The following DISP1 variants were observed in gnomAD, a reference collection of about 807,000 sequenced individuals.
The protein encoded by DISP1 is protein dispatched homolog 1.
A neutral mutation model predicts 37.3 loss-of-function variants in DISP1; 30 were observed. The ratio of observed to expected loss-of-function variants is 0.80; its 90% CI spans 0.60 to 1.09. The LOEUF is 1.09. Ranked by LOEUF, DISP1 falls within the 50% of genes least tolerant of loss-of-function variation. DISP1 has a pLI of 0.00. For missense variants in DISP1, 1,598 were observed against 1,879.5 expected (o/e 0.85, Z 2.77); for synonymous variants, 634 against 690.2 (o/e 0.92, Z 1.28).
At chr1:222,852,596 A>C (rs2125312097) in intron 1 of DISP1, among the ~76,000 whole-genome samples, 1 of 152,344 alleles carries the variant, frequency 6.6e-6, no homozygotes, top group East Asian at 1.9e-4. Flanking sequence ...AAAGGAGATA[A>C]CCCAGTAAGT....
At chr1:222,902,366 G>A (rs1352910234) in intron 1 of DISP1, among the ~76,000 whole-genome samples, 1 of 152,114 alleles carries the variant, frequency 6.6e-6, no homozygotes, top group Non-Finnish European at 1.5e-5. Context: ...AGAAAACCTA[G>A]GTAATACCAT....
intron 2 of DISP1, among the ~76,000 whole-genome samples, chr1:222,932,429 C>T (rs1558336618): frequency 6.6e-6 from 1 of 151,892 alleles, no homozygotes; most frequent in Non-Finnish European, 1.5e-5. Flanking sequence ...TACCTTAAGA[C>T]TTGTAGCAGA....
intron 2 of DISP1, 24 bp downstream of exon 2, chr1:222,928,594 T>G (rs1673215290): frequency 6.6e-6 from 1 of 152,220 alleles, no homozygotes; most frequent in South Asian, 2.1e-4. Context: ...TCTTGCTGTG[T>G]GAATATGTGT....
At position 223,005,572 on chromosome 1, in the gene DISP1, C is replaced by G; in HGVS notation, c.4175C>G (p.Ser1392Trp). 1 of 1,614,008 alleles carries G rather than the reference C, an allele frequency of 6.2e-7. No individual in the cohort carries two copies. Among genetic ancestry groups the G allele is most frequent in the African/African-American group, 1.3e-5 (1 of 74,974 alleles). ...CATCTTCCAAAGATGGCAGAGCCAT[C>G]GTCATTTGTCTGCAGAAGCACTGGA... is the stretch of plus-strand genomic sequence containing the variant. ...EEHLPKMAEPSSFVCRSTGSL... is the reference protein window; with the variant it reads ...EEHLPKMAEPWSFVCRSTGSL... Residue 1392 changes from serine (S) to tryptophan (W), a missense_variant, in exon 9 of 9, where the codon TCG becomes TGG. By Grantham distance (177) the Ser-to-Trp change is radical. Transcript: ENST00000675850.
intron 5 of DISP1, 134 bp from the exon 6 acceptor site, chr1:222,991,386 A>G: frequency 9.8e-7 from 1 of 1,018,964 alleles, no homozygotes; most frequent in East Asian, 2.5e-5. Flanking sequence ...TCACCTCTGG[A>G]GTAGCTGTGA....
chr1:222,989,558 A>G, intron 4 of DISP1: 1 of 985,404 alleles, frequency 1.0e-6, no homozygotes, highest in Non-Finnish European at 1.2e-6. Context: ...CGCATCTGGA[A>G]GAAAGGGCCC....
At chr1:222,918,536 G>A (rs1046475549) in intron 1 of DISP1, among the ~76,000 whole-genome samples, 1 of 152,130 alleles carries the variant, frequency 6.6e-6, no homozygotes, top group Non-Finnish European at 1.5e-5. Context: ...TGAAAGGAGA[G>A]ATGAGGGAAT....
At chr1:222,916,858 G>A (rs1253278796) in intron 1 of DISP1, among the ~76,000 whole-genome samples, 1 of 152,150 alleles carries the variant, frequency 6.6e-6, no homozygotes, top group South Asian at 2.1e-4. Flanking sequence ...GGCTGAAAGA[G>A]TGAGGGTTGT....
chr1:222,869,750 CTG>C (rs1669414586), intron 1 of DISP1, among the ~76,000 whole-genome samples: 3 of 151,822 alleles, frequency 2.0e-5, no homozygotes, highest in African/African-American at 7.3e-5. Flanking sequence ...TTAAATGAGA[CTG>C]TTAAAGAATT....
chr1:222,863,249 G>A (rs1009675914), intron 1 of DISP1, among the ~76,000 whole-genome samples: 5 of 152,058 alleles, frequency 3.3e-5, no homozygotes, highest in African/African-American at 9.7e-5. Flanking sequence ...GGCTGAAGGC[G>A]GTGGCTCATA....
chr1:222,878,436 T>G (rs975243937), intron 1 of DISP1, among the ~76,000 whole-genome samples: 4 of 152,248 alleles, frequency 2.6e-5, no homozygotes, highest in Non-Finnish European at 5.9e-5. Context: ...TAATATTGGT[T>G]GTACATACTG....
Position 222,992,100 on chromosome 1 carries a change from C to T in DISP1, c.879C>T (p.Cys293=), listed in dbSNP as rs373716306. 160 of 1,612,750 alleles carry T rather than the reference C, an allele frequency of 9.9e-5. No homozygotes were observed. Among genetic ancestry groups the T allele is most frequent in the African/African-American group, 2.9e-4 (22 of 74,994 alleles). The stretch of plus-strand genomic sequence containing the variant: ...ACTTCCACAAGGACAGCTTTTTCTG[C>T]GACGTTCCAAGTGAGTGACATTGTA... ...DWNFHKDSFF[C]DVPSDRYSRV... is the part of the protein sequence containing the mutation. Residue 293 remains cysteine, a synonymous_variant, in exon 7 of 9, where the codon TGC becomes TGT. Coordinates refer to ENST00000675850, the MANE Select transcript of DISP1 (RefSeq NM_001377229.1).
At chr1:222,820,197 A>G (rs1039931249) in intron 1 of DISP1, among the ~76,000 whole-genome samples, 1 of 149,510 alleles carries the variant, frequency 6.7e-6, no homozygotes. Context: ...TTAAGGGAGT[A>G]TGAGTTGATT....
At chr1:222,948,168 A>G (rs1674933247) in intron 3 of DISP1, among the ~76,000 whole-genome samples, 1 of 152,238 alleles carries the variant, frequency 6.6e-6, no homozygotes, top group African/African-American at 2.4e-5. Flanking sequence ...TAACAGTAAC[A>G]GTGAAAGTGT....
At chr1:222,962,040 G>T (rs978804224) in intron 3 of DISP1, among the ~76,000 whole-genome samples, 2 of 151,660 alleles carry the variant, frequency 1.3e-5, no homozygotes, top group African/African-American at 2.4e-5. Context: ...AAGCCCCATC[G>T]TCTCAGTCCA....
intron 1 of DISP1, among the ~76,000 whole-genome samples, chr1:222,862,412 T>A (rs1431115895): frequency 1.3e-5 from 2 of 152,172 alleles, no homozygotes; most frequent in Non-Finnish European, 2.9e-5. Context: ...TTCTCTTTTA[T>A]AATAAAACAC....
intron 4 of DISP1, among the ~76,000 whole-genome samples, chr1:222,988,475 A>C (rs1678430526): frequency 6.6e-6 from 1 of 152,176 alleles, no homozygotes; most frequent in South Asian, 2.1e-4. Flanking sequence ...TGTTGTGAGA[A>C]TTGAACAATA....
intron 2 of DISP1, among the ~76,000 whole-genome samples, chr1:222,930,870 G>A (rs1181500546): frequency 1.3e-5 from 2 of 151,986 alleles, no homozygotes; most frequent in Non-Finnish European, 2.9e-5. Context: ...TAAGCTTGAA[G>A]CAAATCTCAG....
intron 1 of DISP1, among the ~76,000 whole-genome samples, chr1:222,885,167 A>G (rs1369182675): frequency 6.6e-6 from 1 of 152,176 alleles, no homozygotes; most frequent in Non-Finnish European, 1.5e-5. Context: ...TTTCTTCTAC[A>G]TTCAGTAATT....
Sources: allele counts gnomAD v4.1 joint callset (sites outside exome capture counted in the v4.1 genomes callset), GRCh38; gene constraint gnomAD v4.1.1; transcripts MANE v1.5; gene names NCBI Gene and HGNC (gene_info 2026-07-23, HGNC 2026-07-21).